The following GRM7 variants were observed in gnomAD, a reference collection of about 807,000 sequenced individuals.
GRM7 encodes metabotropic glutamate receptor 7.
In GRM7, 35 loss-of-function variants were observed where a neutral mutation model predicts 84.5. The ratio of observed to expected loss-of-function variants is 0.41; its 90% CI spans 0.32 to 0.55. The LOEUF is 0.55. GRM7 is among the 20% of genes least tolerant of loss of function. The pLI, the probability that GRM7 is intolerant of heterozygous loss-of-function variation, is 0.19. For missense variants in GRM7, 1,003 were observed against 1,194.6 expected (o/e 0.84, Z 2.36); for synonymous variants, 487 against 455.1 (o/e 1.07, Z -0.89).
At chr3:7,585,251 G>C (rs1484912676) in intron 8 of GRM7, among the ~76,000 whole-genome samples, 1 of 152,118 alleles carries the variant, frequency 6.6e-6, no homozygotes. Context: ...TTTCCTTTCT[G>C]TTGCCTGCTG....
chr3:7,711,647 C>T (rs925561696), intron 9 of GRM7, among the ~76,000 whole-genome samples: 1 of 152,184 alleles, frequency 6.6e-6, no homozygotes, highest in Non-Finnish European at 1.5e-5. Context: ...AAGCTTTGTA[C>T]TCTGAATCAA....
intron 7 of GRM7, among the ~76,000 whole-genome samples, chr3:7,556,285 A>G (rs1409423285): frequency 6.6e-6 from 1 of 152,084 alleles, no homozygotes; most frequent in Non-Finnish European, 1.5e-5. Context: ...TCCTAATAAC[A>G]TCATATTGGT....
At chr3:7,298,550 G>A (rs773764351) in intron 2 of GRM7, 134 bp from the exon 3 acceptor site, 37 of 694,536 alleles carry the variant, frequency 5.3e-5, no homozygotes, top group Admixed American at 8.0e-5. Flanking sequence ...GTCTTATGCT[G>A]TCCTCGCTTA....
intron 4 of GRM7, among the ~76,000 whole-genome samples, chr3:7,395,000 T>C (rs1695151121): frequency 6.7e-6 from 1 of 149,482 alleles, no homozygotes; most frequent in Middle Eastern, 3.4e-3. Context: ...ATTGCGCCAT[T>C]GCACTCCAGC....
At chr3:7,530,875 A>T (rs1198082184) in intron 7 of GRM7, among the ~76,000 whole-genome samples, 8 of 151,216 alleles carry the variant, frequency 5.3e-5, no homozygotes, top group African/African-American at 1.9e-4. Flanking sequence ...GATTACAAAA[A>T]TTTTCTCCCA....
intron 8 of GRM7, among the ~76,000 whole-genome samples, chr3:7,603,395 C>G (rs562352588): frequency 1.3e-5 from 2 of 152,112 alleles, no homozygotes; most frequent in South Asian, 4.2e-4. Flanking sequence ...TCTTAGTACC[C>G]CCAGACCCCA....
intron 4 of GRM7, among the ~76,000 whole-genome samples, chr3:7,391,776 G>A (rs1158756600): frequency 6.6e-6 from 1 of 150,658 alleles, no homozygotes; most frequent in Non-Finnish European, 1.5e-5. Flanking sequence ...AAAAAAACAA[G>A]AGCTGGCAGG....
rs1465078778 is a variant in GRM7 at position 7,486,264 on chromosome 3, C to G, written c.1515+24542C>G. ...TATTTGTATTTAAGTGTTTTTGCTT[C>G]CCAAGAAATGATGGTAATGATAATG... On this transcript the variant is annotated intron_variant, in intron 7 of 9. Transcript: ENST00000357716. The surrounding 1 kb of genome is among the most constrained non-coding windows in gnomAD (Gnocchi z 5.5). Among the ~76,000 whole-genome samples the G allele has an allele frequency of 6.6e-6, 1 of 151,978 alleles. No homozygotes were observed. Among genetic ancestry groups the G allele is most frequent in the Non-Finnish European group, 1.5e-5 (1 of 68,004 alleles).
chr3:7,608,493 T>C (rs548099645), intron 8 of GRM7, among the ~76,000 whole-genome samples: 1 of 152,340 alleles, frequency 6.6e-6, no homozygotes, highest in African/African-American at 2.4e-5. Flanking sequence ...TGAGCTTTTT[T>C]TCATATGCTT....
At chr3:6,878,901 G>T (rs970709049) in intron 1 of GRM7, among the ~76,000 whole-genome samples, 4 of 152,130 alleles carry the variant, frequency 2.6e-5, no homozygotes, top group African/African-American at 9.7e-5. Flanking sequence ...TTTCTAACCA[G>T]TTCCCAGGTG....
At chr3:7,186,434 A>G (rs1006421111) in intron 2 of GRM7, among the ~76,000 whole-genome samples, 1 of 152,230 alleles carries the variant, frequency 6.6e-6, no homozygotes. Context: ...AACTTGCAAT[A>G]AATTCTGTTT....
At chr3:7,219,069 T>C (rs1018765087) in intron 2 of GRM7, among the ~76,000 whole-genome samples, 5 of 152,306 alleles carry the variant, frequency 3.3e-5, no homozygotes, top group Non-Finnish European at 5.9e-5. Flanking sequence ...ATTAAACATA[T>C]GTATAAGGTC....
At position 7,324,549 on chromosome 3, in the gene GRM7, G is replaced by T. The variant is rs569248048; in HGVS notation, c.1033+17897G>T. On this transcript the variant is annotated intron_variant, in intron 4 of 9. Transcript: ENST00000357716. The stretch of plus-strand genomic sequence containing the variant: ...GGATTCCCCATATGCCAGAGTAAAA[G>T]GTGTACCTACGGGTCCCCTCAAGTG... 2.6e-5 allele frequency among the ~76,000 whole-genome samples: 4 copies of T among 152,190 alleles called. No homozygotes were observed. In the East Asian group the frequency reaches 7.8e-4, roughly 30 times the overall value.
intron 7 of GRM7, among the ~76,000 whole-genome samples, chr3:7,574,617 A>G (rs1400095561): frequency 1.3e-5 from 2 of 152,240 alleles, no homozygotes; most frequent in Non-Finnish European, 2.9e-5. Flanking sequence ...GGGCCAGAAC[A>G]AAGAAGCTGA....
intron 1 of GRM7, among the ~76,000 whole-genome samples, chr3:7,082,589 G>A (rs1377946700): frequency 6.6e-6 from 1 of 152,016 alleles, no homozygotes; most frequent in Non-Finnish European, 1.5e-5. Flanking sequence ...TATTTAAGAA[G>A]TACATTTCAT....
At chr3:7,464,086 C>G (rs1698362886) in intron 7 of GRM7, among the ~76,000 whole-genome samples, 1 of 152,126 alleles carries the variant, frequency 6.6e-6, no homozygotes. Flanking sequence ...GCACATATTA[C>G]CGGGCCCTGC....
intron 9 of GRM7, among the ~76,000 whole-genome samples, chr3:7,700,971 C>G (rs1274395387): frequency 6.6e-6 from 1 of 152,202 alleles, no homozygotes; most frequent in East Asian, 1.9e-4. Flanking sequence ...AGAAAGCAAG[C>G]ATCCAGAAGG....
chr3:7,162,957 A>T (rs1325993605), intron 2 of GRM7, among the ~76,000 whole-genome samples: 2 of 151,286 alleles, frequency 1.3e-5, no homozygotes, highest in African/African-American at 4.9e-5. Flanking sequence ...ACATGATTTC[A>T]CCATGTTGGC....
At chr3:7,704,797 A>G (rs1022927822) in intron 9 of GRM7, among the ~76,000 whole-genome samples, 1 of 152,132 alleles carries the variant, frequency 6.6e-6, no homozygotes, top group African/African-American at 2.4e-5. Context: ...CTCTGGGCAT[A>G]TCCTGGAGCT....
Sources: gnomAD v4.1 joint callset for allele counts (sites outside exome capture counted in the v4.1 genomes callset) on GRCh38, gnomAD v4.1.1 for gene constraint, Gnocchi (gnomAD v3.1) non-coding constraint, MANE v1.5 for transcripts, NCBI Gene and HGNC (gene_info 2026-07-23, HGNC 2026-07-21) for gene names.